The following METTL9 variants were observed in gnomAD, a reference collection of about 807,000 sequenced individuals.
The protein encoded by METTL9 is protein-L-histidine N-pros-methyltransferase.
In METTL9, 10 loss-of-function variants were observed where a neutral mutation model predicts 36.0. The ratio of observed to expected loss-of-function variants is 0.28; its 90% CI spans 0.17 to 0.47. The LOEUF (loss-of-function observed/expected upper bound fraction) is 0.47, where lower values mean the gene tolerates loss of function less well. METTL9 is among the 20% of genes least tolerant of loss of function. The pLI is 0.99. For synonymous variants in METTL9, 175 were observed against 149.7 expected, an observed-to-expected ratio of 1.17 and a Z score of -1.23; for missense variants, 246 against 383.5, an observed-to-expected ratio of 0.64 and a Z score of 3.00.
intron 1 of METTL9, among the ~76,000 whole-genome samples, chr16:21,610,186 A>G (rs1965394628): frequency 6.6e-6 from 1 of 152,144 alleles, no homozygotes; most frequent in Non-Finnish European, 1.5e-5. Flanking sequence ...ACAATCTACT[A>G]TCTACTTTCT....
intron 1 of METTL9, 119 bp downstream of exon 1, chr16:21,600,017 C>T (rs958037034): frequency 1.4e-5 from 13 of 920,480 alleles, no homozygotes; most frequent in Middle Eastern, 8.3e-4. Flanking sequence ...CCCTCCGCCT[C>T]GGCCCCTTGG....
chr16:21,610,480 G>T (rs905892951), intron 1 of METTL9, among the ~76,000 whole-genome samples: 1 of 152,186 alleles, frequency 6.6e-6, no homozygotes, highest in Non-Finnish European at 1.5e-5. Flanking sequence ...GGTCAGAAAG[G>T]ACATACGTTT....
chr16:21,643,043 T>C (rs1184021351), intron 4 of METTL9: 1 of 1,459,548 alleles, frequency 6.9e-7, no homozygotes, highest in African/African-American at 1.4e-5. Flanking sequence ...TATATCTGTA[T>C]TTACATTTTT....
intron 3 of METTL9, among the ~76,000 whole-genome samples, chr16:21,620,694 C>T (rs1369395391): frequency 2.0e-5 from 3 of 152,080 alleles, no homozygotes; most frequent in Admixed American, 6.5e-5. Flanking sequence ...TGCAGTTTGA[C>T]CTGCATGGGA....
intron 4 of METTL9, chr16:21,640,349 T>G (rs1487675935): frequency 6.6e-6 from 1 of 152,132 alleles, no homozygotes; most frequent in Non-Finnish European, 1.5e-5. Context: ...CAAAGTAGCT[T>G]TCAAAGGACA....
intron 3 of METTL9, among the ~76,000 whole-genome samples, chr16:21,619,239 T>C (rs1455926989): frequency 1.3e-5 from 2 of 152,170 alleles, no homozygotes; most frequent in East Asian, 1.9e-4. Context: ...TTTTGAGGAA[T>C]TGCAATACTT....
chr16:21,608,649 T>G (rs1047442434), intron 1 of METTL9, among the ~76,000 whole-genome samples: 1 of 152,048 alleles, frequency 6.6e-6, no homozygotes, highest in African/African-American at 2.4e-5. Flanking sequence ...GGGCTGTCAT[T>G]TGGGGTAGTG....
intron 2 of METTL9, among the ~76,000 whole-genome samples, 171 bp from the exon 3 acceptor site, chr16:21,617,694 A>G (rs1441864869): frequency 6.6e-6 from 1 of 151,884 alleles, no homozygotes; most frequent in Non-Finnish European, 1.5e-5. Flanking sequence ...ATGCCACTGC[A>G]CTCCAGCCTG....
chr16:21,652,228 G>T (rs1966595279), intron 4 of METTL9: 1 of 232,012 alleles, frequency 4.3e-6, no homozygotes, highest in Non-Finnish European at 8.2e-6. Flanking sequence ...GATCAAGTTT[G>T]TATGATAATT....
chr16:21,636,942 C>T (rs771109799), intron 4 of METTL9, among the ~76,000 whole-genome samples: 1 of 152,104 alleles, frequency 6.6e-6, no homozygotes. Flanking sequence ...CCATCTGGGT[C>T]GCCAAAATGT....
intron 4 of METTL9, among the ~76,000 whole-genome samples, chr16:21,629,073 T>C (rs933146721): frequency 6.6e-6 from 1 of 152,016 alleles, no homozygotes. Flanking sequence ...TTTGTATTTT[T>C]AGTAGAGACA....
In METTL9 at chr16:21,621,050, G is replaced by T. The variant is rs761997227; in HGVS notation, c.566+2976G>T. On this transcript the variant is annotated intron_variant, in intron 3 of 4. Coordinates refer to ENST00000358154, the MANE Select transcript of METTL9 (RefSeq NM_016025.5). ...TGTGGCGTGATTATAGCTCACTGTA[G>T]CCTTGAACTTCCGGGCTCAAGTGAT... is the stretch of plus-strand genomic sequence containing the variant. Among the ~76,000 whole-genome samples the T allele has an allele frequency of 3.8e-4, 58 of 152,060 alleles. 1 individual carries two copies. The highest frequency in any genetic ancestry group is 7.5e-4 in the Non-Finnish European group (51 of 67,980).
At chr16:21,601,761 G>GTGTA (rs1268015248) in intron 1 of METTL9, among the ~76,000 whole-genome samples, 49 of 117,788 alleles carry the variant, frequency 4.2e-4, no homozygotes, top group African/African-American at 1.7e-3. Flanking sequence ...GTGTGTGTGT[G>GTGTA]TACCCCTTCA....
chr16:21,636,856 C>G (rs1364089725), intron 4 of METTL9, among the ~76,000 whole-genome samples: 1 of 152,130 alleles, frequency 6.6e-6, no homozygotes, highest in Non-Finnish European at 1.5e-5. Context: ...GACAGAATAG[C>G]AAGTGAAAAG....
At chr16:21,625,139 C>A (rs763303308) in intron 4 of METTL9, 24 bp downstream of exon 4, 1 of 1,610,716 alleles carries the variant, frequency 6.2e-7, no homozygotes, top group South Asian at 1.1e-5. Flanking sequence ...GTCAGGCTAG[C>A]TCTTACTGAG....
chr16:21,629,039 G>A (rs112996994), intron 4 of METTL9, among the ~76,000 whole-genome samples: 1,956 of 151,862 alleles, frequency 0.013, 41 homozygotes, highest in African/African-American at 0.045. Flanking sequence ...GGTTATAGAT[G>A]TGTGCCACCA....
chr16:21,636,968 G>T (rs1567340529), intron 4 of METTL9, among the ~76,000 whole-genome samples: 1 of 152,176 alleles, frequency 6.6e-6, no homozygotes, highest in Non-Finnish European at 1.5e-5. Context: ...GAATTGGTGG[G>T]TTCTTGGTCT....
rs1319327980 is a variant in METTL9, at chr16:21,647,217, T to TTGCAC, written c.752-8007_752-8003dup. The TTGCAC allele has an allele frequency of 3.7e-6, 6 of 1,614,010 alleles. No individual in the cohort carries two copies. In the Admixed American group the frequency reaches 1.0e-4, roughly 27 times the overall value. On this transcript the variant is annotated intron_variant, in intron 4 of 4. Coordinates refer to ENST00000358154, the MANE Select transcript of METTL9 (RefSeq NM_016025.5). The stretch of plus-strand genomic sequence containing the variant: ...GGGAATGCTATTCCACAGATGTAAA[T>TTGCAC]TGCACTGTCATTTGAAGTCACTCTG...
chr16:21,618,175 A>G (rs1965600561), intron 3 of METTL9, 101 bp downstream of exon 3: 3 of 906,710 alleles, frequency 3.3e-6, no homozygotes, highest in Non-Finnish European at 4.9e-6. Context: ...TTAAAAAATC[A>G]TCTCATACAT....
Sources: allele counts gnomAD v4.1 joint callset (sites outside exome capture counted in the v4.1 genomes callset), GRCh38; gene constraint gnomAD v4.1.1; transcripts MANE v1.5; gene names NCBI Gene and HGNC (gene_info 2026-07-23, HGNC 2026-07-21).